The following HTR5A variants were observed in gnomAD, a reference collection of about 807,000 sequenced individuals.
HTR5A encodes 5-HT-5.
In HTR5A, 21 loss-of-function variants were observed where a neutral mutation model predicts 24.3. That is an observed-to-expected ratio of 0.86 (90% confidence interval 0.61 to 1.24). The LOEUF (loss-of-function observed/expected upper bound fraction) is 1.24. Ranked by LOEUF, HTR5A falls within the 50% of genes most tolerant of loss-of-function variation. The pLI is 0.00. For missense variants in HTR5A, 497 were observed against 489.5 expected, an observed-to-expected ratio of 1.02 and a Z score of -0.15; for synonymous variants, 260 against 213.7, an observed-to-expected ratio of 1.22 and a Z score of -1.89.
intron 1 of HTR5A, among the ~76,000 whole-genome samples, chr7:155,073,889 G>GTATATATATA (rs1169692099): frequency 3.1e-4 from 3 of 9,686 alleles, no homozygotes; most frequent in Admixed American, 2.1e-3. Context: ...ATATATATAT[G>GTATATATATA]TATATATATA....
At chr7:155,081,171 G>A (rs1318675661) in intron 1 of HTR5A, among the ~76,000 whole-genome samples, 1 of 152,134 alleles carries the variant, frequency 6.6e-6, no homozygotes, top group South Asian at 2.1e-4. Context: ...TTGAGCTCCT[G>A]TGACCCATCT....
In HTR5A at chr7:155,073,899, A is replaced by ATATGTATATATATATATACG. The variant is rs1563419668; in HGVS notation, c.741+2262_741+2263insGTATATATATATATACGTAT. The stretch of plus-strand genomic sequence containing the variant: ...TATGTATATATATATGTATATATAT[A>ATATGTATATATATATATACG]TATATATATATATATATGTATATAT... On this transcript the variant is annotated intron_variant, in intron 1 of 1. Transcript: ENST00000287907. Among the ~76,000 whole-genome samples the ATATGTATATATATATATACG allele has an allele frequency of 9.6e-3, 148 of 15,418 alleles. 1 individual carries two copies. Among genetic ancestry groups the ATATGTATATATATATATACG allele is most frequent in the South Asian group, 0.017 (1 of 58 alleles). 10.1% of individuals were successfully genotyped at this position (15,418 alleles called of 152,430 possible).
intron 1 of HTR5A, among the ~76,000 whole-genome samples, chr7:155,082,761 T>G (rs1198396641): frequency 1.3e-5 from 2 of 152,252 alleles, no homozygotes; most frequent in African/African-American, 2.4e-5. Context: ...AAATATGGTT[T>G]GGATTTCTAT....
rs765740227 is a variant in HTR5A at position 155,084,445 on chromosome 7, C to G, written c.1032C>G (p.Asn344Lys). 3.1e-6 allele frequency: 5 copies of G among 1,613,894 alleles called. No individual in the cohort carries two copies. The South Asian group carries it at 4.4e-5, about 14-fold the overall frequency. ...TGATCTATACGGCTTTCAACAAGAA[C>G]TACAACAGCGCCTTCAAGAACTTCT... ...NPLIYTAFNK[N>K]YNSAFKNFFS... The change falls in exon 2 of 2, where the codon AAC (asparagine) becomes AAG (lysine). Residue 344 changes from asparagine to lysine, a missense_variant. Coordinates refer to ENST00000287907, the MANE Select transcript of HTR5A (RefSeq NM_024012.4).
intron 1 of HTR5A, among the ~76,000 whole-genome samples, chr7:155,073,467 G>C (rs1795320894): frequency 1.3e-5 from 2 of 152,102 alleles, no homozygotes. Flanking sequence ...TACTGAATTT[G>C]GGTAACTCTG....
chr7:155,080,333 G>A (rs1277514343), intron 1 of HTR5A, among the ~76,000 whole-genome samples: 2 of 152,126 alleles, frequency 1.3e-5, no homozygotes, highest in Admixed American at 6.5e-5. Context: ...TCAGCCTTGC[G>A]AACTTATCCA....
rs1243388459 is a variant in HTR5A, at chr7:155,085,841, C to G, written c.*1354C>G. 1 of 152,084 alleles carries G rather than the reference C, an allele frequency of 6.6e-6. No individual in the cohort carries two copies. The highest frequency in any genetic ancestry group is 2.4e-5 in the African/African-American group (1 of 41,396). 9.4% of individuals were successfully genotyped at this position (152,084 alleles called of 1,614,324 possible). A position where few individuals can be genotyped will look rare whatever the true frequency, so the allele number is the denominator to read the frequency against. On this transcript the variant is annotated 3_prime_UTR_variant, in exon 2 of 2. Coordinates refer to ENST00000287907, the MANE Select transcript of HTR5A (RefSeq NM_024012.4). ...AAATTTGTGATAATTTATATGTGGT[C>G]TTGGCTTGAAGTTTAGTCTTGTCTT...
chr7:155,070,909 C>T lies in HTR5A; in HGVS notation c.10C>T (p.Pro4Ser), dbSNP rs1795281897. Residue 4 changes from proline (P) to serine (S), a missense_variant, in exon 1 of 2, where the codon CCT becomes TCT. Coordinates refer to ENST00000287907, the MANE Select transcript of HTR5A (RefSeq NM_024012.4). MDL[P>S]VNLTSFSLST... ...GTCTCCTGACCCAGAGATGGATTTA[C>T]CTGTGAACCTAACCTCCTTTTCCCT... is the stretch of plus-strand genomic sequence containing the variant. 1.2e-6 allele frequency: 2 copies of T among 1,600,990 alleles called. No homozygotes were observed. The highest frequency in any genetic ancestry group is 1.3e-5 in the African/African-American group (1 of 74,884).
At position 155,087,370 on chromosome 7, in the gene HTR5A, TA is replaced by T. The variant is rs1795488487; in HGVS notation, c.*2886del. 1.3e-5 allele frequency among the ~76,000 whole-genome samples: 2 copies of T among 152,044 alleles called. No homozygotes were observed. Among genetic ancestry groups the T allele is most frequent in the Non-Finnish European group, 2.9e-5 (2 of 68,004 alleles). On this transcript the variant is annotated 3_prime_UTR_variant, in exon 2 of 2. Coordinates refer to ENST00000287907, the MANE Select transcript of HTR5A (RefSeq NM_024012.4). The stretch of plus-strand genomic sequence containing the variant: ...TGCCATATTTCTATTAAAGAGAAAA[TA>T]AAGATTGAGTCCACAGCTCAAGTGC...
intron 1 of HTR5A, among the ~76,000 whole-genome samples, chr7:155,078,751 C>T (rs200406453): frequency 2.2e-4 from 30 of 139,210 alleles, no homozygotes; most frequent in African/African-American, 2.8e-4. Flanking sequence ...TTCTGTGCTT[C>T]TTTTTTTTTT....
chr7:155,076,990 C>T (rs1030162158), intron 1 of HTR5A: 10 of 152,096 alleles, frequency 6.6e-5, no homozygotes, highest in East Asian at 3.8e-4. Flanking sequence ...TTTTCATATT[C>T]GCATGAAAAG....
At chr7:155,080,813 G>GTT (rs1563422234) in intron 1 of HTR5A, among the ~76,000 whole-genome samples, 2 of 152,252 alleles carry the variant, frequency 1.3e-5, no homozygotes, top group East Asian at 3.9e-4. Flanking sequence ...ATGGAATGGG[G>GTT]TTTTCTGTTG....
rs954383832 is a variant in HTR5A at position 155,071,547 on chromosome 7, G to T, written c.648G>T (p.Val216=). 1.2e-6 allele frequency: 2 copies of T among 1,614,174 alleles called. No homozygotes were observed. The highest frequency in any genetic ancestry group is 2.2e-5 in the South Asian group (2 of 91,084). The change falls in exon 1 of 2, where the codon GTG becomes GTT. Residue 216 remains valine (V), a synonymous_variant. Coordinates refer to ENST00000287907, the MANE Select transcript of HTR5A (RefSeq NM_024012.4). The part of the protein sequence containing the change: ...VGAFYLPLCV[V]LFVYWKIYKA... ...CCTTCTACCTGCCGCTCTGTGTGGT[G>T]CTCTTCGTGTACTGGAAGATCTACA... is the stretch of plus-strand genomic sequence containing the variant.
chr7:155,081,910 A>G (rs1404732212), intron 1 of HTR5A, among the ~76,000 whole-genome samples: 1 of 152,246 alleles, frequency 6.6e-6, no homozygotes, highest in East Asian at 1.9e-4. Context: ...AAGATGGCCC[A>G]GTAAAATAAT....
At chr7:155,077,620 T>A (rs1194344822) in intron 1 of HTR5A, among the ~76,000 whole-genome samples, 1 of 151,890 alleles carries the variant, frequency 6.6e-6, no homozygotes, top group African/African-American at 2.4e-5. Flanking sequence ...TGTGCCACCA[T>A]GCCTGGCTAA....
At chr7:155,074,795 G>T (rs1185118916) in intron 1 of HTR5A, 1 of 152,110 alleles carries the variant, frequency 6.6e-6, no homozygotes, top group Admixed American at 6.5e-5. Context: ...GATCCTTGCA[G>T]CGACCTACAC....
chr7:155,078,485 GTATTTTT>G (rs1165696754), intron 1 of HTR5A, among the ~76,000 whole-genome samples: 2 of 151,782 alleles, frequency 1.3e-5, no homozygotes, highest in Non-Finnish European at 2.9e-5. Flanking sequence ...GCTAATTTTT[GTATTTTT>G]TATAGAAATA....
At position 155,087,176 on chromosome 7, in the gene HTR5A, G is replaced by A. The variant is rs1189259254; in HGVS notation, c.*2689G>A. 6.6e-6 allele frequency among the ~76,000 whole-genome samples: 1 copy of A among 152,126 alleles called. No individual in the cohort carries two copies. The highest frequency in any genetic ancestry group is 1.5e-5 in the Non-Finnish European group (1 of 68,024). ...CGGTAGTGAAAGACAAGTGGAAGAT[G>A]TCCCTGAGTCTGTATTGACATCAGA... On this transcript the variant is annotated 3_prime_UTR_variant, in exon 2 of 2. Transcript: ENST00000287907.
chr7:155,073,180 G>T (rs1345448875), intron 1 of HTR5A, among the ~76,000 whole-genome samples: 1 of 152,076 alleles, frequency 6.6e-6, no homozygotes, highest in Non-Finnish European at 1.5e-5. Context: ...AATTAGCCAG[G>T]CGTGGTGGCA....
Sources: gnomAD v4.1 joint callset for allele counts (sites outside exome capture counted in the v4.1 genomes callset) on GRCh38, gnomAD v4.1.1 for gene constraint, MANE v1.5 for transcripts, NCBI Gene and HGNC (gene_info 2026-07-23, HGNC 2026-07-21) for gene names.